DGAT2L6: variants seen among roughly 807,000 people sequenced by gnomAD.
DGAT2L6 encodes the protein diacylglycerol O-acyltransferase 2-like protein 6.
In DGAT2L6, 22 loss-of-function variants were observed where a neutral mutation model predicts 25.5. The ratio of observed to expected loss-of-function variants is 0.86; its 90% confidence interval spans 0.62 to 1.23. DGAT2L6 has a LOEUF of 1.23. Ranked by LOEUF, DGAT2L6 falls within the 50% of genes most tolerant of loss-of-function variation. The probability of loss-of-function intolerance (pLI) is 0.00; values close to 1 mark genes in which losing one functional copy is unlikely to be tolerated. For synonymous variants in DGAT2L6, 100 were observed against 94.7 expected (o/e 1.06, Z -0.32); for missense variants, 287 against 253.2 (o/e 1.13, Z -0.91).
In DGAT2L6 at chrX:70,186,860, GCTA is replaced by G. The variant is rs1234976759; in HGVS notation, c.85+9196_85+9198del. On this transcript the variant is annotated intron_variant, in intron 1 of 6. Coordinates refer to ENST00000333026, the MANE Select transcript of DGAT2L6 (RefSeq NM_198512.3). ...CTGCAGCATAAGGAATGTGAGTACGGCTACTGAGAGATGAGGCTAGGAAGACAC... is the reference window on the plus strand; with the variant it reads ...CTGCAGCATAAGGAATGTGAGTACGGCTGAGAGATGAGGCTAGGAAGACAC... Among the ~76,000 whole-genome samples the G allele has an allele frequency of 3.6e-5, 4 of 112,146 alleles. No homozygotes were observed. In the East Asian group the frequency reaches 1.1e-3, roughly 31 times the overall value.
intron 1 of DGAT2L6, among the ~76,000 whole-genome samples, chrX:70,193,396 T>A (rs143592831): frequency 0.023 from 2,604 of 111,009 alleles, 87 homozygotes; most frequent in African/African-American, 0.081. Context: ...AAACTCCTTT[T>A]ACAATGCAAG....
At chrX:70,203,366 A>G (rs1857453495) in intron 5 of DGAT2L6, among the ~76,000 whole-genome samples, 1 of 112,202 alleles carries the variant, frequency 8.9e-6, no homozygotes, top group Non-Finnish European at 1.9e-5. Context: ...GAACACTACA[A>G]TGGAAATGTG....
chrX:70,204,372 G>A lies in DGAT2L6; in HGVS notation c.715G>A (p.Gly239Ser). ...TTTCAATCAGGAGACCTTCCCTGAG[G>A]GCACGTGGTTAAGGTTGTTCCAAAA... Reference protein sequence around the residue: ...EVFNQETFPEGTWLRLFQKTF... With the variant: ...EVFNQETFPESTWLRLFQKTF... The change falls in exon 6 of 7, where the codon GGC (glycine) becomes AGC (serine). Residue 239 changes from glycine to serine, a missense_variant. Coordinates refer to ENST00000333026, the MANE Select transcript of DGAT2L6 (RefSeq NM_198512.3). The A allele has an allele frequency of 8.3e-7, 1 of 1,210,788 alleles. No individual in the cohort carries two copies. Among genetic ancestry groups the A allele is most frequent in the Non-Finnish European group, 1.1e-6 (1 of 895,163 alleles).
Position 70,200,399 on chromosome X carries a change from G to T in DGAT2L6, c.412G>T (p.Val138Leu). ...GATTTTCCCATCCATCACTCCCTTT[G>T]TAGGGACCTTAGAAAGGATATTTTG... ...ARIFPSITPF[V>L]GTLERIFWIP... The change falls in exon 4 of 7, where the codon GTA (valine) becomes TTA (leucine). Residue 138 changes from valine (V) to leucine (L), a missense_variant. Coordinates refer to ENST00000333026, the MANE Select transcript of DGAT2L6 (RefSeq NM_198512.3). The T allele has an allele frequency of 8.3e-7, 1 of 1,211,833 alleles. No individual in the cohort carries two copies. Among genetic ancestry groups the T allele is most frequent in the South Asian group, 1.8e-5 (1 of 56,977 alleles).
At position 70,205,235 on chromosome X, in the gene DGAT2L6, T is replaced by C. The variant is rs1424004653; in HGVS notation, c.*129T>C. On this transcript the variant is annotated 3_prime_UTR_variant, in exon 7 of 7. Transcript: ENST00000333026. The stretch of plus-strand genomic sequence containing the variant: ...GAGAGGAGACCATCCAAGCCAGAAA[T>C]TATTTAATAAATCAGAGTTCTAGCA... 1 of 798,369 alleles carries C rather than the reference T, an allele frequency of 1.3e-6. No homozygotes were observed. The highest frequency in any genetic ancestry group is 5.2e-5 in the Admixed American group (1 of 19,316). The allele number at this position is 798,369 out of a possible 1,213,427, so 65.8% of individuals were successfully genotyped here. A position where few individuals can be genotyped will look rare whatever the true frequency, so the allele number is the denominator to read the frequency against.
intron 6 of DGAT2L6, among the ~76,000 whole-genome samples, 172 bp from the exon 7 acceptor site, chrX:70,204,780 T>TTTGA (rs1197786367): frequency 1.8e-5 from 2 of 111,490 alleles, no homozygotes; most frequent in Non-Finnish European, 3.8e-5. Flanking sequence ...TGAGCATGGG[T>TTTGA]TTGATTAGAT....
Position 70,194,196 on chromosome X carries a change from T to C in DGAT2L6, c.86-5075T>C, listed in dbSNP as rs376049062. Among the ~76,000 whole-genome samples, 146 of 110,548 alleles carry C rather than the reference T, an allele frequency of 1.3e-3. 5 individuals carry two copies. In the East Asian group the frequency reaches 0.018, roughly 14 times the overall value. ...TTAGGAATAAATTTAACCTAGGAGG[T>C]GAGAGATCTGTATACCAAAAACTGT... On this transcript the variant is annotated intron_variant, in intron 1 of 6. Transcript: ENST00000333026.
chrX:70,202,216 T>A, intron 5 of DGAT2L6, 152 bp downstream of exon 5: 1 of 465,486 alleles, frequency 2.1e-6, no homozygotes, highest in Non-Finnish European at 3.2e-6. Flanking sequence ...GCCTTAGGGA[T>A]GTTTGGGCCT....
Position 70,205,217 on chromosome X carries a change from G to A in DGAT2L6, c.*111G>A. 2.3e-6 allele frequency: 2 copies of A among 858,241 alleles called. No individual in the cohort carries two copies. The highest frequency in any genetic ancestry group is 3.1e-6 in the Non-Finnish European group (2 of 650,915). 70.7% of individuals were successfully genotyped at this position (858,241 alleles called of 1,213,427 possible). ...GAAAGATCGTAAGGATGAGAGAGGAGACCATCCAAGCCAGAAATTATTTAA... is the reference window on the plus strand; with the variant it reads ...GAAAGATCGTAAGGATGAGAGAGGAAACCATCCAAGCCAGAAATTATTTAA... On this transcript the variant is annotated 3_prime_UTR_variant, in exon 7 of 7. Transcript: ENST00000333026.
At chrX:70,192,619 A>G (rs1240269000) in intron 1 of DGAT2L6, among the ~76,000 whole-genome samples, 1 of 112,163 alleles carries the variant, frequency 8.9e-6, no homozygotes, top group African/African-American at 3.2e-5. Context: ...GAAACACATC[A>G]TACCAAAACT....
At position 70,200,343 on chromosome X, in the gene DGAT2L6, A is replaced by G. The variant is rs1427189797; in HGVS notation, c.356A>G (p.Asn119Ser). Residue 119 changes from asparagine (N) to serine (S), a missense_variant, in exon 4 of 7, where the codon AAC becomes AGC. Physicochemically the swap from Asn to Ser is conservative, Grantham distance 46. Coordinates refer to ENST00000333026, the MANE Select transcript of DGAT2L6 (RefSeq NM_198512.3). ...ATTCTCTCTTTTGGTGTCTTCATCA[A>G]CTTTGCCACTGAGGCCACTGGCATT... The part of the protein sequence containing the change: ...HGILSFGVFI[N>S]FATEATGIAR... 6 of 1,211,249 alleles carry G rather than the reference A, an allele frequency of 5.0e-6. No individual in the cohort carries two copies. The highest frequency in any genetic ancestry group is 5.6e-6 in the Non-Finnish European group (5 of 895,057).
At chrX:70,199,758 G>C in intron 2 of DGAT2L6, 54 bp from the exon 3 acceptor site, 1 of 1,135,551 alleles carries the variant, frequency 8.8e-7, no homozygotes, top group African/African-American at 1.8e-5. Context: ...CTCTGGGAGA[G>C]GTAGAGGGAC....
chrX:70,193,143 T>G (rs1176259619), intron 1 of DGAT2L6, among the ~76,000 whole-genome samples: 1 of 110,375 alleles, frequency 9.1e-6, no homozygotes, highest in Non-Finnish European at 1.9e-5. Flanking sequence ...GAGACCAGCC[T>G]GGCCAACATG....
chrX:70,204,323 A>G lies in DGAT2L6; in HGVS notation c.666A>G (p.Ser222=). The change falls in exon 6 of 7, where the codon TCA becomes TCG. Residue 222 remains serine, a synonymous_variant. Transcript: ENST00000333026. ...TTTGCAGGGCATACCTTGTCCCTTC[A>G]TATTCCTTTGGTGAGAACGAAGTTT... is the stretch of plus-strand genomic sequence containing the variant. The part of the protein sequence containing the change: ...ALQTGAYLVP[S]YSFGENEVFN... 8.3e-7 allele frequency: 1 copy of G among 1,207,705 alleles called. No individual in the cohort carries two copies. The highest frequency in any genetic ancestry group is 1.1e-6 in the Non-Finnish European group (1 of 893,330).
intron 1 of DGAT2L6, among the ~76,000 whole-genome samples, chrX:70,192,226 T>G (rs951950256): frequency 2.1e-4 from 23 of 111,978 alleles, no homozygotes; most frequent in Admixed American, 9.5e-5. Context: ...CACTTCAGCA[T>G]AGGTGACAAA....
At chrX:70,188,550 C>T (rs760940113) in intron 1 of DGAT2L6, among the ~76,000 whole-genome samples, 130 of 110,982 alleles carry the variant, frequency 1.2e-3, no homozygotes, top group African/African-American at 4.0e-3. Flanking sequence ...AAACATTTTA[C>T]AGAAAAAATA....
At chrX:70,177,733 T>C in intron 1 of DGAT2L6, 66 bp downstream of exon 1, 1 of 981,861 alleles carries the variant, frequency 1.0e-6, no homozygotes, top group African/African-American at 1.9e-5. Context: ...AATCTCCAGA[T>C]GAGGAGGGTT....
intron 1 of DGAT2L6, among the ~76,000 whole-genome samples, chrX:70,182,240 G>A (rs938109020): frequency 9.0e-6 from 1 of 110,716 alleles, no homozygotes; most frequent in African/African-American, 3.3e-5. Flanking sequence ...AAATGGCTTG[G>A]AGGAGATTTG....
At chrX:70,183,551 A>G (rs2085350326) in intron 1 of DGAT2L6, among the ~76,000 whole-genome samples, 1 of 112,296 alleles carries the variant, frequency 8.9e-6, no homozygotes, top group Non-Finnish European at 1.9e-5. Context: ...CTCCATGAGA[A>G]CAGGAGCCCT....
Sources: allele counts gnomAD v4.1 joint callset (sites outside exome capture counted in the v4.1 genomes callset), GRCh38; gene constraint gnomAD v4.1.1; transcripts MANE v1.5; gene names NCBI Gene and HGNC (gene_info 2026-07-23, HGNC 2026-07-21).